Variants in EIF4G3 observed in about 807,000 individuals in gnomAD.
EIF4G3 encodes the protein eIF-4-gamma 3.
A neutral mutation model predicts 186.4 loss-of-function variants in EIF4G3; 34 were observed. The ratio of observed to expected loss-of-function variants is 0.18; its 90% CI spans 0.14 to 0.24. The LOEUF (loss-of-function observed/expected upper bound fraction) is 0.24. Ranked by LOEUF, EIF4G3 falls within the 10% of genes least tolerant of loss-of-function variation. EIF4G3 has a pLI of 1.00. For missense variants in EIF4G3, 1,536 were observed against 1,948.5 expected (o/e 0.79, Z 3.99); for synonymous variants, 673 against 679.5 (o/e 0.99, Z 0.15).
chr1:20,825,237 TG>T, intron 32 of EIF4G3, 39 bp from the exon 33 acceptor site: 4 of 811,538 alleles, frequency 4.9e-6, no homozygotes, highest in Non-Finnish European at 5.5e-6. Flanking sequence ...ACTTTCACAG[TG>T]GAAGAAGAAA....
At chr1:20,974,702 C>A (rs2076501281) in intron 10 of EIF4G3, among the ~76,000 whole-genome samples, 1 of 152,082 alleles carries the variant, frequency 6.6e-6, no homozygotes, top group Admixed American at 6.5e-5. Context: ...GTCAATGAAA[C>A]AGTGTGCCTA....
chr1:21,173,796 T>G (rs1292726291), intron 2 of EIF4G3, among the ~76,000 whole-genome samples: 1 of 152,240 alleles, frequency 6.6e-6, no homozygotes, highest in Non-Finnish European at 1.5e-5. Context: ...CAGTGCTAAC[T>G]CCAGCTATGC....
chr1:20,859,529 G>A (rs2075871600), intron 24 of EIF4G3, among the ~76,000 whole-genome samples: 1 of 152,148 alleles, frequency 6.6e-6, no homozygotes, highest in Non-Finnish European at 1.5e-5. Context: ...CCTAAACTTA[G>A]TAAATGGACT....
At chr1:21,003,795 C>G in intron 4 of EIF4G3, 1 of 427,936 alleles carries the variant, frequency 2.3e-6, no homozygotes, top group Non-Finnish European at 4.6e-6. Context: ...TTCAAATTTG[C>G]CAATGTAAAT....
intron 14 of EIF4G3, among the ~76,000 whole-genome samples, chr1:20,910,757 A>G (rs1420102854): frequency 2.0e-5 from 3 of 152,238 alleles, no homozygotes; most frequent in African/African-American, 7.2e-5. Flanking sequence ...CAGGCTAATG[A>G]GACTAAATGG....
chr1:20,997,765 C>A, intron 6 of EIF4G3, 132 bp from the exon 7 acceptor site: 2 of 663,160 alleles, frequency 3.0e-6, no homozygotes, highest in Admixed American at 3.1e-5. Flanking sequence ...AAACAACACA[C>A]AAAACAGTCA....
At chr1:20,815,550 G>A (rs1401236471) in intron 34 of EIF4G3, among the ~76,000 whole-genome samples, 2 of 151,178 alleles carry the variant, frequency 1.3e-5, no homozygotes, top group Non-Finnish European at 3.0e-5. Flanking sequence ...CCTGGCAACC[G>A]CCCCGTCTGA....
At chr1:20,932,531 T>C (rs2095358015) in intron 14 of EIF4G3, among the ~76,000 whole-genome samples, 2 of 152,138 alleles carry the variant, frequency 1.3e-5, no homozygotes, top group Non-Finnish European at 2.9e-5. Flanking sequence ...ACTCTTCCTT[T>C]CACTTGAACA....
intron 2 of EIF4G3, among the ~76,000 whole-genome samples, chr1:21,167,544 G>A (rs1274534919): frequency 6.6e-6 from 1 of 152,154 alleles, no homozygotes; most frequent in Non-Finnish European, 1.5e-5. Flanking sequence ...GGAAGGCCAA[G>A]GTCAGGAGTT....
intron 12 of EIF4G3, among the ~76,000 whole-genome samples, chr1:20,966,910 T>C (rs904180188): frequency 1.3e-5 from 2 of 152,252 alleles, no homozygotes; most frequent in African/African-American, 2.4e-5. Flanking sequence ...ATGAATTTCA[T>C]GCATTTGGAT....
chr1:20,816,161 G>GGCCA (rs2060759041), intron 34 of EIF4G3, among the ~76,000 whole-genome samples: 1 of 119,796 alleles, frequency 8.3e-6, no homozygotes, highest in Non-Finnish European at 1.8e-5. Context: ...GCCTCTGCCC[G>GGCCA]GCCGCCCCTA....
At chr1:21,021,199 G>T (rs921514088) in intron 4 of EIF4G3, among the ~76,000 whole-genome samples, 3 of 152,116 alleles carry the variant, frequency 2.0e-5, no homozygotes, top group Non-Finnish European at 4.4e-5. Flanking sequence ...GGCCAGATTG[G>T]TCTCAAACTC....
intron 7 of EIF4G3, among the ~76,000 whole-genome samples, chr1:20,995,872 C>T (rs541161059): frequency 1.3e-5 from 2 of 152,078 alleles, no homozygotes; most frequent in Non-Finnish European, 2.9e-5. Flanking sequence ...AAGAAATTAA[C>T]AGGTGCCTTA....
intron 2 of EIF4G3, among the ~76,000 whole-genome samples, chr1:21,164,034 G>A (rs557353263): frequency 2.0e-5 from 3 of 151,926 alleles, no homozygotes; most frequent in Admixed American, 6.6e-5. Context: ...TCAGCCTCCC[G>A]AAGTGCTGGG....
At chr1:20,895,333 A>T (rs1330820800) in intron 17 of EIF4G3, 35 bp downstream of exon 17, 3 of 1,595,198 alleles carry the variant, frequency 1.9e-6, no homozygotes, top group Non-Finnish European at 2.6e-6. Flanking sequence ...AGTTCCCACC[A>T]AAAAGAACTA....
intron 3 of EIF4G3, among the ~76,000 whole-genome samples, chr1:21,074,824 A>C (rs1014984656): frequency 6.6e-6 from 1 of 152,196 alleles, no homozygotes; most frequent in African/African-American, 2.4e-5. Context: ...TAATCCTAGG[A>C]CTTGGAGAGG....
intron 4 of EIF4G3, among the ~76,000 whole-genome samples, chr1:21,024,839 A>G (rs2091799125): frequency 6.7e-6 from 1 of 150,092 alleles, no homozygotes; most frequent in Non-Finnish European, 1.5e-5. Flanking sequence ...CTATTGTCCC[A>G]TGACCCTGCC....
intron 12 of EIF4G3, among the ~76,000 whole-genome samples, chr1:20,957,579 A>C (rs964526467): frequency 2.0e-5 from 3 of 152,024 alleles, no homozygotes; most frequent in African/African-American, 7.2e-5. Flanking sequence ...AAATTCAAAC[A>C]AACAAACAAA....
Position 21,117,736 on chromosome 1 carries a change from TAA to T in EIF4G3, c.-271-28525_-271-28524del, listed in dbSNP as rs71014156. On this transcript the variant is annotated intron_variant, in intron 2 of 36. Coordinates refer to ENST00000602326, the MANE Select transcript of EIF4G3 (RefSeq NM_001391906.1). ...GGCCTTTCACTGTCCCAGTATATAG[TAA>T]AAAAAAAAAAAAAAAAAAAAAAATT... is the stretch of plus-strand genomic sequence containing the variant. 1.8e-3 allele frequency among the ~76,000 whole-genome samples: 131 copies of T among 73,084 alleles called. 1 individual carries two copies. The highest frequency in any genetic ancestry group is 3.4e-3 in the East Asian group (6 of 1,756). 47.9% of individuals were successfully genotyped at this position (73,084 alleles called of 152,430 possible). A position where few individuals can be genotyped will look rare whatever the true frequency, so the allele number is the denominator to read the frequency against.
Sources: allele counts gnomAD v4.1 joint callset (sites outside exome capture counted in the v4.1 genomes callset), GRCh38; gene constraint gnomAD v4.1.1; transcripts MANE v1.5; gene names NCBI Gene and HGNC (gene_info 2026-07-23, HGNC 2026-07-21).